Variants in CLSTN2 observed in about 807,000 individuals in gnomAD.
The protein encoded by CLSTN2 is calsyntenin 2, also known as calsyntenin-2.
Under a neutral mutation model 101.2 loss-of-function variants are expected in CLSTN2, and 48 were observed. The observed-to-expected ratio is 0.47, with a 90% CI of 0.38 to 0.60. CLSTN2 has a LOEUF of 0.60. Among genes scored for constraint, CLSTN2 ranks in the 20% least tolerant of loss-of-function variants. CLSTN2 has a pLI of 0.00. For synonymous variants in CLSTN2, 481 were observed against 463.6 expected (o/e 1.04, Z -0.48); for missense variants, 1,160 against 1,238.2 (o/e 0.94, Z 0.95).
intron 1 of CLSTN2, among the ~76,000 whole-genome samples, chr3:140,141,028 C>A (rs1319378871): frequency 6.6e-6 from 1 of 152,220 alleles, no homozygotes; most frequent in Non-Finnish European, 1.5e-5. Context: ...CATAAGACAC[C>A]TTCTGTGGAG....
At chr3:140,286,578 T>C (rs1280269859) in intron 2 of CLSTN2, among the ~76,000 whole-genome samples, 1 of 152,166 alleles carries the variant, frequency 6.6e-6, no homozygotes, top group Non-Finnish European at 1.5e-5. Context: ...ATAGATACGA[T>C]GTATACCACT....
chr3:140,526,481 C>T (rs1935140411), intron 8 of CLSTN2, among the ~76,000 whole-genome samples: 1 of 151,778 alleles, frequency 6.6e-6, no homozygotes, highest in Middle Eastern at 3.2e-3. Context: ...TTAAAATGGC[C>T]ATACTGCCCA....
intron 1 of CLSTN2, among the ~76,000 whole-genome samples, chr3:139,936,684 G>A (rs1935028754): frequency 6.6e-6 from 1 of 152,214 alleles, no homozygotes; most frequent in Admixed American, 6.5e-5. Context: ...TTGGAGGTTG[G>A]GGAGAGCTGG....
chr3:140,036,568 A>G (rs143830003), intron 1 of CLSTN2, among the ~76,000 whole-genome samples: 38 of 152,278 alleles, frequency 2.5e-4, no homozygotes, highest in African/African-American at 8.7e-4. Flanking sequence ...TGCACAACTC[A>G]GGAAATCTAG....
intron 1 of CLSTN2, among the ~76,000 whole-genome samples, chr3:140,129,480 T>A (rs2009488996): frequency 6.6e-6 from 1 of 152,176 alleles, no homozygotes; most frequent in Admixed American, 6.5e-5. Flanking sequence ...ATTCTTTAAA[T>A]AAGGATTATA....
chr3:140,028,634 C>T, intron 1 of CLSTN2, among the ~76,000 whole-genome samples: 1 of 152,290 alleles, frequency 6.6e-6, no homozygotes, highest in East Asian at 1.9e-4. Context: ...GGCTGAGTGC[C>T]AGCCACAACA....
intron 4 of CLSTN2, among the ~76,000 whole-genome samples, chr3:140,414,350 A>G (rs890983457): frequency 2.0e-5 from 3 of 152,148 alleles, no homozygotes; most frequent in African/African-American, 7.2e-5. Flanking sequence ...AAATATCTGT[A>G]CACAGAAAAC....
At chr3:140,456,245 C>T (rs1933395749) in intron 6 of CLSTN2, among the ~76,000 whole-genome samples, 1 of 152,160 alleles carries the variant, frequency 6.6e-6, no homozygotes, top group South Asian at 2.1e-4. Context: ...CCCTCCAGGT[C>T]CACTGAGGAG....
chr3:140,346,496 C>T (rs1284099390), intron 2 of CLSTN2, among the ~76,000 whole-genome samples: 2 of 150,362 alleles, frequency 1.3e-5, no homozygotes, highest in African/African-American at 2.4e-5. Flanking sequence ...TCCAGATCTT[C>T]CAGGCAGTGT....
intron 2 of CLSTN2, among the ~76,000 whole-genome samples, chr3:140,233,574 T>C (rs2086390112): frequency 6.6e-6 from 1 of 152,230 alleles, no homozygotes; most frequent in Non-Finnish European, 1.5e-5. Context: ...ATATGTTAGA[T>C]GACATTTTCT....
At chr3:140,273,043 G>A (rs569848864) in intron 2 of CLSTN2, among the ~76,000 whole-genome samples, 2 of 152,138 alleles carry the variant, frequency 1.3e-5, no homozygotes, top group Non-Finnish European at 2.9e-5. Context: ...CAAGAGGAGG[G>A]AAGCATCTTC....
chr3:140,514,649 G>C (rs1934881613), intron 8 of CLSTN2, among the ~76,000 whole-genome samples: 1 of 152,132 alleles, frequency 6.6e-6, no homozygotes, highest in African/African-American at 2.4e-5. Context: ...ATTCCCAGGA[G>C]TGGGATTGCT....
chr3:140,493,344 A>G (rs955414000), intron 8 of CLSTN2, among the ~76,000 whole-genome samples: 2 of 152,336 alleles, frequency 1.3e-5, no homozygotes. Context: ...GGATGTCTTT[A>G]AAGTGTTTTT....
chr3:140,425,288 A>G (rs550462733), intron 5 of CLSTN2, among the ~76,000 whole-genome samples: 1 of 152,214 alleles, frequency 6.6e-6, no homozygotes, highest in South Asian at 2.1e-4. Context: ...CTTCCTTCGC[A>G]GGGCCCATGA....
chr3:140,358,616 AGGG>A (rs1237350080), intron 2 of CLSTN2, among the ~76,000 whole-genome samples: 1 of 152,112 alleles, frequency 6.6e-6, no homozygotes, highest in African/African-American at 2.4e-5. Context: ...CAGACCTAGA[AGGG>A]ACCCAAGAGA....
At chr3:140,304,304 A>G (rs999558612) in intron 2 of CLSTN2, among the ~76,000 whole-genome samples, 9 of 152,094 alleles carry the variant, frequency 5.9e-5, no homozygotes, top group Non-Finnish European at 1.3e-4. Context: ...TCTTAGTTGG[A>G]CAGCCATAAC....
intron 2 of CLSTN2, among the ~76,000 whole-genome samples, chr3:140,281,284 G>A (rs932635823): frequency 4.0e-4 from 61 of 152,170 alleles, no homozygotes; most frequent in African/African-American, 1.5e-3. Context: ...CTAAGATGTG[G>A]TAGGTATGGT....
At chr3:140,081,970 C>T (rs1301542495) in intron 1 of CLSTN2, among the ~76,000 whole-genome samples, 1 of 152,168 alleles carries the variant, frequency 6.6e-6, no homozygotes, top group African/African-American at 2.4e-5. Context: ...GTTCATGGCT[C>T]ACCACCCTCC....
chr3:140,215,881 T>C (rs1054141984), intron 2 of CLSTN2, among the ~76,000 whole-genome samples: 1 of 152,166 alleles, frequency 6.6e-6, no homozygotes, highest in Non-Finnish European at 1.5e-5. Context: ...GTGTATTAGT[T>C]TGGGTTTTGT....
Sources: allele counts gnomAD v4.1 joint callset (sites outside exome capture counted in the v4.1 genomes callset), GRCh38; gene constraint gnomAD v4.1.1; transcripts MANE v1.5; gene names NCBI Gene and HGNC (gene_info 2026-07-23, HGNC 2026-07-21).